The following UBE2K variants were observed in gnomAD, a reference collection of about 807,000 sequenced individuals.
UBE2K encodes ubiquitin-conjugating enzyme E2 K.
In UBE2K, 6 loss-of-function variants were observed where a neutral mutation model predicts 30.0. The observed-to-expected ratio is 0.20, with a 90% confidence interval of 0.11 to 0.39. The LOEUF is 0.39. Among genes scored for constraint, UBE2K ranks in the 10% least tolerant of loss-of-function variants. The pLI, the probability that UBE2K is intolerant of heterozygous loss-of-function variation, is 1.00. For missense variants in UBE2K, 61 were observed against 241.6 expected, an observed-to-expected ratio of 0.25 and a Z score of 4.96; for synonymous variants, 86 against 83.7, an observed-to-expected ratio of 1.03 and a Z score of -0.15.
intron 1 of UBE2K, among the ~76,000 whole-genome samples, chr4:39,727,474 A>C (rs1443779642): frequency 6.6e-6 from 1 of 151,938 alleles, no homozygotes; most frequent in Non-Finnish European, 1.5e-5. Context: ...TGATTTTCCC[A>C]CTTCAGCCTC....
At chr4:39,744,213 G>A (rs1720863282) in intron 2 of UBE2K, among the ~76,000 whole-genome samples, 1 of 151,586 alleles carries the variant, frequency 6.6e-6, no homozygotes, top group Non-Finnish European at 1.5e-5. Context: ...CCAGTTGTGA[G>A]AAGCTAGATT....
intron 4 of UBE2K, among the ~76,000 whole-genome samples, chr4:39,765,900 G>GATAT (rs1041743867): frequency 2.0e-4 from 25 of 122,004 alleles, no homozygotes; most frequent in African/African-American, 8.5e-4. Context: ...CTGAAGTCAG[G>GATAT]ATATATATAT....
intron 1 of UBE2K, among the ~76,000 whole-genome samples, chr4:39,711,458 G>A (rs976090162): frequency 6.6e-6 from 1 of 151,606 alleles, no homozygotes; most frequent in African/African-American, 2.4e-5. Context: ...CACCGCGCCC[G>A]GCAGCATTAT....
intron 1 of UBE2K, among the ~76,000 whole-genome samples, chr4:39,702,261 T>C (rs1718073210): frequency 1.3e-5 from 1 of 77,418 alleles, no homozygotes; most frequent in Non-Finnish European, 2.9e-5. Flanking sequence ...TTTTTTTTTT[T>C]TTTTTTTTTT....
At chr4:39,736,999 C>T (rs1463763184) in intron 1 of UBE2K, among the ~76,000 whole-genome samples, 3 of 152,036 alleles carry the variant, frequency 2.0e-5, no homozygotes, top group Admixed American at 6.6e-5. Context: ...CTTTTAATGA[C>T]CCTGAATTTT....
In UBE2K at chr4:39,754,540, G is replaced by A. The variant is rs1175730262; in HGVS notation, c.217-1117G>A. 7.2e-5 allele frequency among the ~76,000 whole-genome samples: 11 copies of A among 152,074 alleles called. No homozygotes were observed. The South Asian group carries it at 1.2e-3, about 17-fold the overall frequency. ...AGAGTCCGTTTTTTTCCAGTTGGTC[G>A]TGTTCTGTTGCCCAGGCTGTAGTAC... On this transcript the variant is annotated intron_variant, in intron 3 of 6. Coordinates refer to ENST00000261427, the MANE Select transcript of UBE2K (RefSeq NM_005339.5).
At chr4:39,768,830 G>A (rs1274532657) in intron 4 of UBE2K, among the ~76,000 whole-genome samples, 1 of 152,090 alleles carries the variant, frequency 6.6e-6, no homozygotes, top group Admixed American at 6.6e-5. Context: ...GTTCTAACGA[G>A]TGCTAGGTGA....
chr4:39,744,918 A>T (rs953158844), intron 2 of UBE2K, among the ~76,000 whole-genome samples: 2 of 148,700 alleles, frequency 1.3e-5, no homozygotes, highest in African/African-American at 2.5e-5. Flanking sequence ...AAAAAAAAAA[A>T]AATAAATTAA....
intron 1 of UBE2K, among the ~76,000 whole-genome samples, chr4:39,713,286 A>ATTTTTTTTTTTTTTTTTTTTTT (rs56104487): frequency 2.4e-5 from 2 of 83,580 alleles, no homozygotes; most frequent in African/African-American, 5.4e-5. Flanking sequence ...TCTGTAGGAA[A>ATTTTTTTTTTTTTTTTTTTTTT]TTTTTTTTTT....
intron 4 of UBE2K, chr4:39,770,491 A>G (rs1712717662): frequency 6.2e-7 from 1 of 1,610,352 alleles, no homozygotes; most frequent in Admixed American, 1.7e-5. Context: ...CCACCTGAGA[A>G]GCTCCCAGGC....
chr4:39,741,688 A>G (rs1206767595), intron 2 of UBE2K, among the ~76,000 whole-genome samples: 1 of 152,140 alleles, frequency 6.6e-6, no homozygotes, highest in African/African-American at 2.4e-5. Flanking sequence ...ACTTAACTCA[A>G]TTTTCTTCAC....
intron 4 of UBE2K, 40 bp from the exon 5 acceptor site, chr4:39,774,794 A>G: frequency 7.7e-7 from 1 of 1,303,482 alleles, no homozygotes; most frequent in Non-Finnish European, 1.0e-6. Context: ...TTGCCTGCAG[A>G]GCCCTCTTAA....
intron 4 of UBE2K, among the ~76,000 whole-genome samples, chr4:39,766,545 A>T (rs1287567254): frequency 6.6e-6 from 1 of 151,836 alleles, no homozygotes; most frequent in Non-Finnish European, 1.5e-5. Flanking sequence ...TCACCAGATA[A>T]ATGATTTGGA....
chr4:39,754,912 C>T (rs530074284), intron 3 of UBE2K, among the ~76,000 whole-genome samples: 160 of 152,266 alleles, frequency 1.1e-3, no homozygotes, highest in African/African-American at 3.6e-3. Flanking sequence ...AATACAAGAT[C>T]CTCCAAAAGT....
intron 4 of UBE2K, among the ~76,000 whole-genome samples, chr4:39,774,494 T>TC (rs1317157592): frequency 1.3e-4 from 19 of 150,516 alleles, no homozygotes; most frequent in Non-Finnish European, 2.5e-4. Context: ...GCCCCTGTAG[T>TC]CTCAGCTACT....
rs538865572 is a variant in UBE2K, at chr4:39,730,625, G to A, written c.64-6795G>A. Among the ~76,000 whole-genome samples the A allele has an allele frequency of 9.9e-5, 15 of 151,950 alleles. No individual in the cohort carries two copies. The East Asian group carries it at 1.4e-3, about 14-fold the overall frequency. ...TCTACCAAAAATTCAGCAATTAGCCGGGCATGGTGGTGGGCGCCTATAATT... is the reference window on the plus strand; with the variant it reads ...TCTACCAAAAATTCAGCAATTAGCCAGGCATGGTGGTGGGCGCCTATAATT... On this transcript the variant is annotated intron_variant, in intron 1 of 6. Coordinates refer to ENST00000261427, the MANE Select transcript of UBE2K (RefSeq NM_005339.5).
chr4:39,710,429 T>C (rs1050593105), intron 1 of UBE2K, among the ~76,000 whole-genome samples: 5 of 151,616 alleles, frequency 3.3e-5, no homozygotes, highest in Non-Finnish European at 5.9e-5. Flanking sequence ...CTGGCTAAAT[T>C]ATCTTTTTTA....
At chr4:39,754,036 A>G (rs902593325) in intron 3 of UBE2K, among the ~76,000 whole-genome samples, 7 of 152,298 alleles carry the variant, frequency 4.6e-5, no homozygotes, top group East Asian at 1.9e-4. Flanking sequence ...CTCAAAAAAA[A>G]AGAGAGAGAG....
intron 2 of UBE2K, among the ~76,000 whole-genome samples, chr4:39,744,355 G>T (rs1282794400): frequency 6.6e-6 from 1 of 150,848 alleles, no homozygotes; most frequent in African/African-American, 2.4e-5. Flanking sequence ...TGTGTTTTTA[G>T]TAGAGACGGG....
Sources: gnomAD v4.1 joint callset for allele counts (sites outside exome capture counted in the v4.1 genomes callset) on GRCh38, gnomAD v4.1.1 for gene constraint, MANE v1.5 for transcripts, NCBI Gene and HGNC (gene_info 2026-07-23, HGNC 2026-07-21) for gene names.